The following EYS variants were observed in gnomAD, a reference collection of about 807,000 sequenced individuals.
EYS encodes the protein EGF-like photoreceptor maintenance factor, also known as protein eyes shut homolog.
EYS carries 250 observed loss-of-function variants against 282.1 expected under a neutral mutation model. The ratio of observed to expected loss-of-function variants is 0.89; its 90% CI spans 0.80 to 0.98. EYS has a LOEUF of 0.98. Ranked by LOEUF, EYS falls within the 50% of genes least tolerant of loss-of-function variation. EYS has a pLI of 0.00. For synonymous variants in EYS, 1,355 were observed against 1,282.9 expected, an observed-to-expected ratio of 1.06 and a Z score of -1.20; for missense variants, 4,016 against 3,709.0, an observed-to-expected ratio of 1.08 and a Z score of -2.15.
chr6:64,858,332 G>C (rs192928532), intron 19 of EYS, among the ~76,000 whole-genome samples: 2 of 152,234 alleles, frequency 1.3e-5, no homozygotes, highest in African/African-American at 4.8e-5. Context: ...AGTTTTTCCA[G>C]CATCACTGAT....
chr6:64,734,735 G>C (rs1772128282), intron 22 of EYS, among the ~76,000 whole-genome samples: 1 of 152,142 alleles, frequency 6.6e-6, no homozygotes, highest in African/African-American at 2.4e-5. Flanking sequence ...GGGAAGAGTA[G>C]AGATTGGAGA....
intron 2 of EYS, among the ~76,000 whole-genome samples, chr6:65,544,456 T>C (rs1275774019): frequency 2.0e-5 from 3 of 152,100 alleles, no homozygotes; most frequent in Non-Finnish European, 4.4e-5. Flanking sequence ...CCCCATCTGT[T>C]TTCATGATAC....
rs553061523 is a variant in EYS at position 64,414,562 on chromosome 6, C to G, written c.5927+21612G>C. On this transcript the variant is annotated intron_variant, in intron 28 of 42. Transcript: ENST00000503581. ...CAAAGTGAAGTTTCATTGCTAGGAG[C>G]CATAAAGTAAATCTCATGAAGAGTT... Among the ~76,000 whole-genome samples, 83 of 151,922 alleles carry G rather than the reference C, an allele frequency of 5.5e-4. 1 individual carries two copies. The South Asian group carries it at 9.6e-3, about 18-fold the overall frequency.
chr6:64,454,725 A>G (rs1405984661), intron 26 of EYS, among the ~76,000 whole-genome samples: 2 of 152,138 alleles, frequency 1.3e-5, no homozygotes, highest in Non-Finnish European at 2.9e-5. Flanking sequence ...TTACTTAAGT[A>G]TCCACAGATT....
intron 36 of EYS, among the ~76,000 whole-genome samples, chr6:63,827,663 T>A (rs547078774): frequency 3.1e-3 from 469 of 151,778 alleles, no homozygotes; most frequent in African/African-American, 0.011. Context: ...GCTAACAAGG[T>A]GAAACCCCGT....
intron 12 of EYS, among the ~76,000 whole-genome samples, chr6:65,106,398 C>T (rs901825929): frequency 1.3e-5 from 2 of 151,894 alleles, no homozygotes; most frequent in African/African-American, 4.8e-5. Flanking sequence ...TCACGTAGTG[C>T]CCTTAAAAGA....
chr6:65,232,852 A>G (rs1225208445), intron 12 of EYS, among the ~76,000 whole-genome samples: 1 of 152,114 alleles, frequency 6.6e-6, no homozygotes, highest in Non-Finnish European at 1.5e-5. Context: ...TCACTAATCA[A>G]CTTATAAACT....
intron 2 of EYS, among the ~76,000 whole-genome samples, chr6:65,583,730 G>C (rs1237298065): frequency 2.0e-5 from 3 of 151,882 alleles, no homozygotes; most frequent in African/African-American, 7.2e-5. Context: ...GATGCAATTG[G>C]ACCTTCCTAT....
At position 64,309,477 on chromosome 6, in the gene EYS, G is replaced by A. The variant is rs963573970; in HGVS notation, c.6079-2395C>T. 1.8e-4 allele frequency among the ~76,000 whole-genome samples: 27 copies of A among 152,170 alleles called. No homozygotes were observed. The East Asian group carries it at 5.0e-3, about 28-fold the overall frequency. ...TTTCTTCATTTCTTATGTTTTAATA[G>A]ACTGACCACTCTCTAGTTCTATCAC... On this transcript the variant is annotated intron_variant, in intron 29 of 42. Transcript: ENST00000503581.
At chr6:65,646,015 C>T (rs9363411) in intron 1 of EYS, among the ~76,000 whole-genome samples, 60,629 of 151,724 alleles carry the variant, frequency 0.4, 14,619 homozygotes, top group East Asian at 0.53. Flanking sequence ...TAACAAGCAG[C>T]GAGATTGAAA....
intron 22 of EYS, among the ~76,000 whole-genome samples, chr6:64,628,011 C>T (rs995083475): frequency 1.3e-5 from 2 of 152,132 alleles, no homozygotes; most frequent in African/African-American, 4.8e-5. Context: ...ACCAGGGAGG[C>T]GGAGCTTGCA....
intron 2 of EYS, among the ~76,000 whole-genome samples, chr6:65,587,066 C>A: frequency 6.6e-6 from 1 of 151,942 alleles, no homozygotes; most frequent in African/African-American, 2.4e-5. Flanking sequence ...ATTAAATGTT[C>A]CATATTTTAG....
At chr6:64,569,105 C>T (rs1765643998) in intron 26 of EYS, among the ~76,000 whole-genome samples, 1 of 149,666 alleles carries the variant, frequency 6.7e-6, no homozygotes, top group African/African-American at 2.5e-5. Flanking sequence ...GATCAGAACT[C>T]CTTGCCAGGA....
chr6:63,989,832 T>C (rs2149795646), intron 34 of EYS, among the ~76,000 whole-genome samples: 1 of 151,582 alleles, frequency 6.6e-6, no homozygotes, highest in African/African-American at 2.4e-5. Context: ...TATACCCTTC[T>C]ATATTTTATA....
rs1037399875 is a variant in EYS at position 63,740,427 on chromosome 6, A to C, written c.8072-13747T>G. Among the ~76,000 whole-genome samples, 5 of 152,202 alleles carry C rather than the reference A, an allele frequency of 3.3e-5. No homozygotes were observed. In the South Asian group the frequency reaches 6.2e-4, roughly 19 times the overall value. On this transcript the variant is annotated intron_variant, in intron 41 of 42. Coordinates refer to ENST00000503581, the MANE Select transcript of EYS (RefSeq NM_001142800.2). ...TCCAGCCATGTGGAACTGTAAGTCC[A>C]TTAAACCTCTTTTTCTTCCCAGTTC... is the stretch of plus-strand genomic sequence containing the variant.
At chr6:64,442,229 G>T (rs554723564) in intron 26 of EYS, among the ~76,000 whole-genome samples, 1 of 152,248 alleles carries the variant, frequency 6.6e-6, no homozygotes, top group South Asian at 2.1e-4. Context: ...GAGGTATTTT[G>T]CCCCTGCCCC....
At chr6:65,180,568 A>C (rs1232169364) in intron 12 of EYS, among the ~76,000 whole-genome samples, 2 of 152,170 alleles carry the variant, frequency 1.3e-5, no homozygotes, top group African/African-American at 4.8e-5. Context: ...GATACAAACA[A>C]GTGGAAGAAC....
intron 19 of EYS, among the ~76,000 whole-genome samples, chr6:64,833,397 G>A (rs768151231): frequency 1.1e-4 from 17 of 151,876 alleles, no homozygotes; most frequent in African/African-American, 3.6e-4. Context: ...GGGATGTACC[G>A]GCATGACTAG....
At chr6:64,375,497 G>A (rs1246688618) in intron 29 of EYS, among the ~76,000 whole-genome samples, 1 of 152,194 alleles carries the variant, frequency 6.6e-6, no homozygotes, top group South Asian at 2.1e-4. Context: ...TTTGCATGTT[G>A]GACAGAGTTT....
Sources: gnomAD v4.1 joint callset for allele counts (sites outside exome capture counted in the v4.1 genomes callset) on GRCh38, gnomAD v4.1.1 for gene constraint, MANE v1.5 for transcripts, NCBI Gene and HGNC (gene_info 2026-07-23, HGNC 2026-07-21) for gene names.